PITPNC1: variants seen among roughly 807,000 people sequenced by gnomAD.
The protein encoded by PITPNC1 is cytoplasmic phosphatidylinositol transfer protein 1.
In PITPNC1, 18 loss-of-function variants were observed where a neutral mutation model predicts 44.7. That is an observed-to-expected ratio of 0.40 (90% confidence interval 0.28 to 0.60). The LOEUF is 0.60. PITPNC1 is among the 20% of genes least tolerant of loss of function. The pLI, the probability that PITPNC1 is intolerant of heterozygous loss-of-function variation, is 0.39. For synonymous variants in PITPNC1, 141 were observed against 149.6 expected (o/e 0.94, Z 0.42); for missense variants, 290 against 418.4 (o/e 0.69, Z 2.68).
At chr17:67,467,386 T>C (rs889885461) in intron 1 of PITPNC1, among the ~76,000 whole-genome samples, 1 of 152,134 alleles carries the variant, frequency 6.6e-6, no homozygotes, top group African/African-American at 2.4e-5. Flanking sequence ...AAAATATCTT[T>C]TCAGATACAA....
chr17:67,486,350 C>T (rs1403825227), intron 1 of PITPNC1, among the ~76,000 whole-genome samples: 1 of 152,136 alleles, frequency 6.6e-6, no homozygotes, highest in Non-Finnish European at 1.5e-5. Context: ...ATAGGCTATT[C>T]TATTACATCT....
At chr17:67,495,037 G>GTTTTTTTTTTTTTTTT (rs2039925221) in intron 1 of PITPNC1, among the ~76,000 whole-genome samples, 1 of 79,376 alleles carries the variant, frequency 1.3e-5, no homozygotes, top group Non-Finnish European at 2.4e-5. Context: ...GAGCCATGGA[G>GTTTTTTTTTTTTTTTT]TTGTTTTTTT....
chr17:67,393,674 C>G (rs2038172204), intron 1 of PITPNC1, among the ~76,000 whole-genome samples: 1 of 152,112 alleles, frequency 6.6e-6, no homozygotes. Context: ...CTTACTAAAG[C>G]AGAAATATAC....
At chr17:67,632,330 ATCT>A in intron 6 of PITPNC1, 92 bp downstream of exon 6, 1 of 800,086 alleles carries the variant, frequency 1.2e-6, no homozygotes, top group Non-Finnish European at 2.1e-6. Flanking sequence ...GGAGGATGCC[ATCT>A]CTCGTCGTGT....
chr17:67,595,792 T>A (rs1458984076), intron 5 of PITPNC1, among the ~76,000 whole-genome samples: 1 of 152,212 alleles, frequency 6.6e-6, no homozygotes, highest in African/African-American at 2.4e-5. Context: ...GGCCATTTGG[T>A]ACATAAATTT....
At chr17:67,378,990 C>T (rs1265111761) in intron 1 of PITPNC1, 17 of 985,288 alleles carry the variant, frequency 1.7e-5, no homozygotes, top group Non-Finnish European at 2.0e-5. Context: ...GCTCTGCTGT[C>T]CTTCTCCCGA....
chr17:67,495,064 T>G (rs972791236), intron 1 of PITPNC1, among the ~76,000 whole-genome samples: 9 of 90,248 alleles, frequency 1.0e-4, no homozygotes, highest in Non-Finnish European at 1.8e-4. Context: ...TTTTTTTTTT[T>G]TTTTTTTTTT....
At chr17:67,440,279 G>A (rs1337249275) in intron 1 of PITPNC1, among the ~76,000 whole-genome samples, 6 of 152,086 alleles carry the variant, frequency 3.9e-5, no homozygotes, top group African/African-American at 1.2e-4. Context: ...ACTGGCAAAC[G>A]CAACCTCACT....
At position 67,466,097 on chromosome 17, in the gene PITPNC1, C is replaced by A. The variant is rs1334245818; in HGVS notation, c.49-66705C>A. 2.0e-5 allele frequency among the ~76,000 whole-genome samples: 3 copies of A among 151,408 alleles called. No individual in the cohort carries two copies. The East Asian group carries it at 5.8e-4, about 29-fold the overall frequency. ...TTCACTGCAGCCTTGAACTTCTGGGCTCCAGCGATCCCCCTACCTTAGCCT... is the reference window on the plus strand; with the variant it reads ...TTCACTGCAGCCTTGAACTTCTGGGATCCAGCGATCCCCCTACCTTAGCCT... On this transcript the variant is annotated intron_variant, in intron 1 of 8. Transcript: ENST00000581322.
chr17:67,425,153 G>A (rs974668282), intron 1 of PITPNC1, among the ~76,000 whole-genome samples: 8 of 148,584 alleles, frequency 5.4e-5, no homozygotes, highest in African/African-American at 1.5e-4. Flanking sequence ...GACTCAGCCC[G>A]CCTGCACCCA....
intron 2 of PITPNC1, among the ~76,000 whole-genome samples, chr17:67,549,262 T>C (rs1000972675): frequency 2.6e-5 from 4 of 152,126 alleles, no homozygotes; most frequent in East Asian, 1.9e-4. Flanking sequence ...AAGACCAGCC[T>C]GGTCAACATG....
rs79838805 is a variant in PITPNC1, at chr17:67,570,793, T to C, written c.295-7393T>C. 3.5e-4 allele frequency among the ~76,000 whole-genome samples: 53 copies of C among 151,258 alleles called. 1 individual carries two copies. Among genetic ancestry groups the C allele is most frequent in the African/African-American group, 1.2e-3 (49 of 40,976 alleles). On this transcript the variant is annotated intron_variant, in intron 4 of 8. Transcript: ENST00000581322. ...CAAAAATCTGTATTTTTTTTTTTTT[T>C]CCTACTAAATCATCATCCTCCCTCT...
At chr17:67,670,844 C>T (rs2042501233) in intron 7 of PITPNC1, among the ~76,000 whole-genome samples, 1 of 151,132 alleles carries the variant, frequency 6.6e-6, no homozygotes, top group Admixed American at 6.6e-5. Flanking sequence ...TGTAAACCTA[C>T]TTTGGCTAAA....
chr17:67,431,797 C>A (rs1044045339), intron 1 of PITPNC1, among the ~76,000 whole-genome samples: 2 of 152,204 alleles, frequency 1.3e-5, no homozygotes, highest in African/African-American at 4.8e-5. Context: ...TATGATCACT[C>A]TGAAGAACCA....
intron 5 of PITPNC1, among the ~76,000 whole-genome samples, chr17:67,628,718 T>G (rs972906802): frequency 1.3e-5 from 2 of 152,088 alleles, no homozygotes; most frequent in Non-Finnish European, 2.9e-5. Flanking sequence ...ACGCTGCCAG[T>G]GCAAGGCCTG....
At chr17:67,482,950 C>T (rs2039723625) in intron 1 of PITPNC1, among the ~76,000 whole-genome samples, 1 of 152,152 alleles carries the variant, frequency 6.6e-6, no homozygotes, top group Admixed American at 6.5e-5. Context: ...GGGTCTGACT[C>T]AGTCCTCTGC....
chr17:67,592,815 T>C (rs1170617218), intron 5 of PITPNC1, among the ~76,000 whole-genome samples: 1 of 152,208 alleles, frequency 6.6e-6, no homozygotes, highest in Non-Finnish European at 1.5e-5. Context: ...GGCAAGAGGA[T>C]CACTTGAGTC....
intron 1 of PITPNC1, among the ~76,000 whole-genome samples, chr17:67,413,324 T>C (rs1002460224): frequency 2.0e-5 from 3 of 152,206 alleles, no homozygotes; most frequent in Non-Finnish European, 4.4e-5. Context: ...GTTTGACCCA[T>C]TAGCTCAGCT....
intron 5 of PITPNC1, among the ~76,000 whole-genome samples, chr17:67,631,657 A>AAATATATAT (rs1555574522): frequency 4.0e-3 from 31 of 7,666 alleles, no homozygotes; most frequent in Admixed American, 9.0e-3. Flanking sequence ...AAAAAAAAAA[A>AAATATATAT]ATATATATAT....
Sources: gnomAD v4.1 joint callset for allele counts (sites outside exome capture counted in the v4.1 genomes callset) on GRCh38, gnomAD v4.1.1 for gene constraint, MANE v1.5 for transcripts, NCBI Gene and HGNC (gene_info 2026-07-23, HGNC 2026-07-21) for gene names.